The following CCDC171 variants were observed in gnomAD, a reference collection of about 807,000 sequenced individuals.
CCDC171 encodes the protein coiled-coil domain containing 171, also known as coiled-coil domain-containing protein 171.
In CCDC171, 177 loss-of-function variants were observed where a neutral mutation model predicts 168.2. That is an observed-to-expected ratio of 1.05 (90% CI 0.93 to 1.19). CCDC171 has a LOEUF of 1.19. Among genes scored for constraint, CCDC171 ranks in the 50% most tolerant of loss-of-function variants. CCDC171 has a pLI of 0.00. For synonymous variants in CCDC171, 687 were observed against 540.8 expected (o/e 1.27, Z -3.75); for missense variants, 1,991 against 1,539.0 (o/e 1.29, Z -4.91).
intron 25 of CCDC171, among the ~76,000 whole-genome samples, chr9:15,948,632 T>A (rs201621202): frequency 6.6e-6 from 1 of 152,078 alleles, no homozygotes; most frequent in Admixed American, 6.6e-5. Context: ...TTCTTTTGAG[T>A]AGTGTCTGTT....
intron 18 of CCDC171, among the ~76,000 whole-genome samples, chr9:15,777,134 A>G (rs549506518): frequency 3.3e-5 from 5 of 152,228 alleles, no homozygotes; most frequent in Non-Finnish European, 5.9e-5. Flanking sequence ...CCTTAAGTCC[A>G]TTATATGAGA....
chr9:16,088,376 T>A, the CCDC171 span, among the ~76,000 whole-genome samples: 1 of 152,270 alleles, frequency 6.6e-6, no homozygotes, highest in South Asian at 2.1e-4. Flanking sequence ...GCCAGGGCAA[T>A]CAGGCAAGAG....
chr9:15,868,535 A>G (rs531900427), intron 23 of CCDC171, among the ~76,000 whole-genome samples: 1 of 151,568 alleles, frequency 6.6e-6, no homozygotes, highest in Admixed American at 6.6e-5. Flanking sequence ...ATGAATGAGG[A>G]TGCCCACAGG....
chr9:15,784,841 C>T, intron 21 of CCDC171, 147 bp downstream of exon 21: 3 of 586,428 alleles, frequency 5.1e-6, no homozygotes, highest in Non-Finnish European at 5.6e-6. Flanking sequence ...TTTCTGAGAC[C>T]TCAGTTATAA....
chr9:15,787,525 C>CT (rs145823602), intron 21 of CCDC171, among the ~76,000 whole-genome samples: 5 of 152,038 alleles, frequency 3.3e-5, no homozygotes, highest in Admixed American at 6.6e-5. Flanking sequence ...CCTCTTCTTC[C>CT]TTTTTTTCTC....
At chr9:15,555,063 G>A (rs1489009115) in intron 1 of CCDC171, among the ~76,000 whole-genome samples, 1 of 152,144 alleles carries the variant, frequency 6.6e-6, no homozygotes. Context: ...ATGTAAGGTA[G>A]AAAAATTTTT....
chr9:16,036,648 C>T (rs10810524), intron 8 of CCDC171, among the ~76,000 whole-genome samples: 56,265 of 152,082 alleles, frequency 0.37, 12,261 homozygotes, highest in East Asian at 0.63. Flanking sequence ...CGTCTCAAAA[C>T]AAACAAACAA....
intron 3 of CCDC171, among the ~76,000 whole-genome samples, chr9:15,989,753 A>C: frequency 6.6e-6 from 1 of 152,010 alleles, no homozygotes; most frequent in Middle Eastern, 3.4e-3. Flanking sequence ...GGAGCTGAAA[A>C]CCCTGGCACG....
At chr9:15,599,327 C>T (rs907699591) in intron 6 of CCDC171, among the ~76,000 whole-genome samples, 35 of 152,114 alleles carry the variant, frequency 2.3e-4, no homozygotes, top group African/African-American at 8.2e-4. Context: ...TTCAGGAGCT[C>T]TTTTAGGGCA....
Position 15,971,911 on chromosome 9 carries a change from G to A in CCDC171, c.*75G>A. The stretch of plus-strand genomic sequence containing the variant: ...GTTTTGAATGGGAATTTTCTTATCA[G>A]TTGACTTTTGTTTCAGCAGAAGTGG... On this transcript the variant is annotated 3_prime_UTR_variant, in exon 26 of 26. Transcript: ENST00000380701. 3.1e-6 allele frequency: 4 copies of A among 1,286,384 alleles called. No individual in the cohort carries two copies. Among genetic ancestry groups the A allele is most frequent in the Non-Finnish European group, 4.4e-6 (4 of 901,030 alleles). The allele number at this position is 1,286,384 out of a possible 1,614,324, so 79.7% of individuals were successfully genotyped here.
At chr9:15,903,287 G>A (rs1381760271) in intron 24 of CCDC171, among the ~76,000 whole-genome samples, 1 of 152,142 alleles carries the variant, frequency 6.6e-6, no homozygotes, top group Non-Finnish European at 1.5e-5. Flanking sequence ...CCCCCTAGTA[G>A]GGGCAGACTG....
intron 10 of CCDC171, among the ~76,000 whole-genome samples, chr9:15,679,401 T>C (rs563478639): frequency 6.6e-6 from 1 of 152,322 alleles, no homozygotes; most frequent in South Asian, 2.1e-4. Context: ...CTCCCTGTTG[T>C]TTTCAGAATA....
At chr9:15,800,149 A>G (rs1010613515) in intron 21 of CCDC171, among the ~76,000 whole-genome samples, 6 of 152,070 alleles carry the variant, frequency 3.9e-5, no homozygotes, top group Non-Finnish European at 8.8e-5. Context: ...GGATTGCTGG[A>G]TCATATGGTA....
chr9:15,879,729 A>G (rs1030134844), intron 24 of CCDC171, among the ~76,000 whole-genome samples: 1 of 151,996 alleles, frequency 6.6e-6, no homozygotes, highest in Non-Finnish European at 1.5e-5. Context: ...CTGTTGATGG[A>G]TATTTGAAGT....
At chr9:15,593,852 T>C (rs2042158068) in intron 5 of CCDC171, among the ~76,000 whole-genome samples, 189 bp from the exon 6 acceptor site, 1 of 151,924 alleles carries the variant, frequency 6.6e-6, no homozygotes, top group South Asian at 2.1e-4. Flanking sequence ...ATCTGTTGTT[T>C]AAATAAACAT....
intron 21 of CCDC171, among the ~76,000 whole-genome samples, chr9:15,803,476 A>G (rs956464931): frequency 4.6e-5 from 7 of 152,192 alleles, no homozygotes; most frequent in Admixed American, 2.6e-4. Context: ...AATTTTCTGC[A>G]TATGGCTACC....
intron 7 of CCDC171, among the ~76,000 whole-genome samples, chr9:15,644,508 A>C (rs1405503547): frequency 6.6e-6 from 1 of 152,198 alleles, no homozygotes; most frequent in Non-Finnish European, 1.5e-5. Flanking sequence ...GGAAGCTGTG[A>C]CAGATGGCAC....
intron 18 of CCDC171, among the ~76,000 whole-genome samples, chr9:15,777,247 A>G (rs1209063124): frequency 1.3e-5 from 2 of 152,228 alleles, no homozygotes; most frequent in African/African-American, 2.4e-5. Context: ...GAGAATATAA[A>G]TAGTATGGCA....
chr9:15,702,431 C>T (rs539577252), intron 11 of CCDC171, among the ~76,000 whole-genome samples: 136 of 152,214 alleles, frequency 8.9e-4, no homozygotes, highest in Non-Finnish European at 1.7e-3. Context: ...TACTCTCCCT[C>T]TGCTCTATAA....
Sources: gnomAD v4.1 joint callset for allele counts (sites outside exome capture counted in the v4.1 genomes callset) on GRCh38, gnomAD v4.1.1 for gene constraint, MANE v1.5 for transcripts, NCBI Gene and HGNC (gene_info 2026-07-23, HGNC 2026-07-21) for gene names.